DENND5B: variants seen among roughly 807,000 people sequenced by gnomAD.
The protein encoded by DENND5B is DENN domain containing 5B.
A neutral mutation model predicts 140.6 loss-of-function variants in DENND5B; 34 were observed. That is an observed-to-expected ratio of 0.24 (90% CI 0.18 to 0.32). The LOEUF is 0.32. Among genes scored for constraint, DENND5B ranks in the 10% least tolerant of loss-of-function variants. DENND5B has a pLI of 1.00. For synonymous variants in DENND5B, 551 were observed against 562.1 expected, an observed-to-expected ratio of 0.98 and a Z score of 0.28; for missense variants, 1,142 against 1,560.2, an observed-to-expected ratio of 0.73 and a Z score of 4.52.
chr12:31,479,659 C>A lies in DENND5B; in HGVS notation c.834G>T (p.Leu278=). 6.4e-7 allele frequency: 1 copy of A among 1,567,636 alleles called. No homozygotes were observed. The highest frequency in any genetic ancestry group is 8.6e-7 in the Non-Finnish European group (1 of 1,157,970). ...DYPLREAFEL[L]GLENLVQVFT... is the part of the protein sequence containing the mutation. ...ACACCTGCACCAGGTTCTCTAATCC[C>A]AGGAGCTCAAATGCCTCCCGAAGGG... The change falls in exon 3 of 21, where the codon CTG becomes CTT. Residue 278 remains leucine, a synonymous_variant. Transcript: ENST00000389082.
At chr12:31,540,379 C>A (rs924663818) in intron 1 of DENND5B, among the ~76,000 whole-genome samples, 1 of 152,098 alleles carries the variant, frequency 6.6e-6, no homozygotes, top group African/African-American at 2.4e-5. Flanking sequence ...CTAGGCCAGG[C>A]GTGATGCCTC....
At chr12:31,438,264 C>T (rs995062484) in intron 7 of DENND5B, among the ~76,000 whole-genome samples, 11 of 152,312 alleles carry the variant, frequency 7.2e-5, no homozygotes, top group South Asian at 6.2e-4. Context: ...TGAGGCACTG[C>T]GCCTGGCCAA....
chr12:31,590,642 C>CGCGTCCCCACA, intron 1 of DENND5B, 64 bp downstream of exon 1: 1 of 1,383,630 alleles, frequency 7.2e-7, no homozygotes, highest in Non-Finnish European at 9.3e-7. Context: ...CCGCCTCCCG[C>CGCGTCCCCACA]GCGTCCCCAC....
At chr12:31,479,448 T>C in intron 3 of DENND5B, 141 bp downstream of exon 3, 1 of 695,194 alleles carries the variant, frequency 1.4e-6, no homozygotes, top group Non-Finnish European at 2.1e-6. Flanking sequence ...CAGCCGCTGG[T>C]CCCACCATAC....
chr12:31,442,184 G>GT (rs1393083696), intron 7 of DENND5B, among the ~76,000 whole-genome samples: 7 of 152,258 alleles, frequency 4.6e-5, no homozygotes, highest in African/African-American at 1.7e-4. Context: ...TAAGGCAGAG[G>GT]TGAGACATCT....
chr12:31,494,654 T>C (rs553094754), intron 2 of DENND5B, among the ~76,000 whole-genome samples: 5 of 152,302 alleles, frequency 3.3e-5, no homozygotes, highest in Middle Eastern at 3.4e-3. Flanking sequence ...TTCATTTGCA[T>C]AGGAGTGTAA....
chr12:31,527,638 C>T (rs1002702773), intron 1 of DENND5B, among the ~76,000 whole-genome samples: 12 of 152,034 alleles, frequency 7.9e-5, no homozygotes, highest in African/African-American at 2.2e-4. Flanking sequence ...ATTAGCTAGG[C>T]ATGGTGGCCC....
chr12:31,429,784 G>A (rs1233238951), intron 8 of DENND5B, among the ~76,000 whole-genome samples: 2 of 151,244 alleles, frequency 1.3e-5, no homozygotes, highest in African/African-American at 4.9e-5. Context: ...TTGGCTCACT[G>A]TAACCTCCAC....
At chr12:31,534,519 A>G (rs1185109921) in intron 1 of DENND5B, among the ~76,000 whole-genome samples, 1 of 152,190 alleles carries the variant, frequency 6.6e-6, no homozygotes, top group Non-Finnish European at 1.5e-5. Flanking sequence ...AAATAATTAA[A>G]GATATATCCA....
At position 31,519,389 on chromosome 12, in the gene DENND5B, A is replaced by C. The variant is rs112704975; in HGVS notation, c.128-23470T>G. 1.3e-3 allele frequency among the ~76,000 whole-genome samples: 192 copies of C among 152,342 alleles called. 2 individuals carry two copies. Among genetic ancestry groups the C allele is most frequent in the African/African-American group, 4.1e-3 (170 of 41,572 alleles). On this transcript the variant is annotated intron_variant, in intron 1 of 20. Transcript: ENST00000389082. ...GCATAATGACACCTTGAGTAGATATAAACAACTCTGTCTAAAAACTTTGTT... is the reference window on the plus strand; with the variant it reads ...GCATAATGACACCTTGAGTAGATATCAACAACTCTGTCTAAAAACTTTGTT...
At chr12:31,411,687 A>G (rs966944625) in intron 13 of DENND5B, among the ~76,000 whole-genome samples, 2 of 152,130 alleles carry the variant, frequency 1.3e-5, no homozygotes, top group African/African-American at 2.4e-5. Context: ...CAGTTTTAAG[A>G]AAACAAGGTC....
intron 1 of DENND5B, among the ~76,000 whole-genome samples, chr12:31,582,432 A>C (rs1950235185): frequency 6.6e-6 from 1 of 152,224 alleles, no homozygotes; most frequent in South Asian, 2.1e-4. Context: ...TCCTTTAAAA[A>C]ACTATAAACT....
chr12:31,495,593 G>T (rs1946733157), intron 2 of DENND5B, among the ~76,000 whole-genome samples: 1 of 151,822 alleles, frequency 6.6e-6, no homozygotes, highest in Non-Finnish European at 1.5e-5. Flanking sequence ...TGGTCAGGCT[G>T]GTCTTAAACT....
At chr12:31,418,123 A>T (rs1471289941) in intron 11 of DENND5B, among the ~76,000 whole-genome samples, 18 of 152,122 alleles carry the variant, frequency 1.2e-4, no homozygotes, top group Non-Finnish European at 2.6e-4. Context: ...GTGGATGATA[A>T]ATAGGACATT....
chr12:31,443,040 G>C, intron 6 of DENND5B, 115 bp from the exon 7 acceptor site: 1 of 827,862 alleles, frequency 1.2e-6, no homozygotes, highest in Non-Finnish European at 1.7e-6. Context: ...CTCTGAAACA[G>C]ATATTGTGTG....
At chr12:31,522,956 A>C (rs1439202299) in intron 1 of DENND5B, among the ~76,000 whole-genome samples, 25 of 151,446 alleles carry the variant, frequency 1.7e-4, no homozygotes, top group Non-Finnish European at 7.4e-5. Context: ...GGGCTGTGAA[A>C]CTCCCAAGTC....
At chr12:31,509,605 A>G (rs1947332808) in intron 1 of DENND5B, among the ~76,000 whole-genome samples, 1 of 152,256 alleles carries the variant, frequency 6.6e-6, no homozygotes, top group South Asian at 2.1e-4. Flanking sequence ...ATTTTGAGAT[A>G]GTTTATTATG....
chr12:31,464,031 G>T (rs1037308143), intron 3 of DENND5B, among the ~76,000 whole-genome samples: 25 of 152,188 alleles, frequency 1.6e-4, no homozygotes, highest in African/African-American at 5.5e-4. Context: ...ACTGAATCAA[G>T]AAATAAAAGG....
chr12:31,560,844 T>G (rs1255917752), intron 1 of DENND5B, among the ~76,000 whole-genome samples: 1 of 152,188 alleles, frequency 6.6e-6, no homozygotes, highest in Non-Finnish European at 1.5e-5. Flanking sequence ...GCTAACTCCC[T>G]TACTTTCTTA....
Sources: gnomAD v4.1 joint callset for allele counts (sites outside exome capture counted in the v4.1 genomes callset) on GRCh38, gnomAD v4.1.1 for gene constraint, MANE v1.5 for transcripts, NCBI Gene and HGNC (gene_info 2026-07-23, HGNC 2026-07-21) for gene names.